The following COMMD1 variants were observed in gnomAD, a reference collection of about 807,000 sequenced individuals.
The protein encoded by COMMD1 is COMM domain-containing protein 1.
COMMD1 carries 10 observed loss-of-function variants against 17.2 expected under a neutral mutation model. The observed-to-expected ratio is 0.58, with a 90% confidence interval of 0.36 to 0.99. The LOEUF (loss-of-function observed/expected upper bound fraction) is 0.99, where lower values mean the gene tolerates loss of function less well. Ranked by LOEUF, COMMD1 falls within the 50% of genes least tolerant of loss-of-function variation. The probability of loss-of-function intolerance (pLI) is 0.01; values close to 1 mark genes in which losing one functional copy is unlikely to be tolerated. For synonymous variants in COMMD1, 97 were observed against 91.6 expected, an observed-to-expected ratio of 1.06 and a Z score of -0.34; for missense variants, 270 against 231.8, an observed-to-expected ratio of 1.17 and a Z score of -1.07.
chr2:61,922,401 T>C (rs1670222510), intron 1 of COMMD1, among the ~76,000 whole-genome samples: 2 of 152,198 alleles, frequency 1.3e-5, no homozygotes, highest in Non-Finnish European at 2.9e-5. Context: ...CACTGCAACC[T>C]CTGCCTTCTG....
chr2:62,084,404 C>T (rs1424445921), intron 2 of COMMD1, among the ~76,000 whole-genome samples: 1 of 152,030 alleles, frequency 6.6e-6, no homozygotes, highest in African/African-American at 2.4e-5. Flanking sequence ...TTAAGAAGAT[C>T]ATAAGGAAGA....
chr2:61,921,629 G>C (rs1670199494), intron 1 of COMMD1, among the ~76,000 whole-genome samples: 1 of 152,108 alleles, frequency 6.6e-6, no homozygotes, highest in South Asian at 2.1e-4. Flanking sequence ...ATTTTTAGTA[G>C]AGACGGGGTT....
At chr2:62,080,568 A>G (rs140586635) in intron 2 of COMMD1, among the ~76,000 whole-genome samples, 29 of 152,312 alleles carry the variant, frequency 1.9e-4, no homozygotes, top group Non-Finnish European at 3.5e-4. Flanking sequence ...TTAAACAGTC[A>G]CTAAATGGGA....
intron 1 of COMMD1, among the ~76,000 whole-genome samples, chr2:61,891,676 C>T (rs189337626): frequency 7.9e-5 from 12 of 151,618 alleles, no homozygotes; most frequent in East Asian, 2.0e-4. Context: ...TGTAGTGAGC[C>T]GAGATCATGC....
At chr2:62,108,204 T>G (rs938560673) in intron 2 of COMMD1, among the ~76,000 whole-genome samples, 1 of 152,182 alleles carries the variant, frequency 6.6e-6, no homozygotes, top group Non-Finnish European at 1.5e-5. Flanking sequence ...TTTAGGCAAA[T>G]ACTTTTTAAA....
Position 61,893,536 on chromosome 2 carries a change from G to A in COMMD1, n.119+4694G>A, listed in dbSNP as rs371416234. On this transcript the variant is annotated intron_variant and non_coding_transcript_variant, in intron 1 of 2. Coordinates refer to the COMMD1 transcript ENST00000472729. ...GTAGTACTAACAAGAGTTACAGGCC[G>A]GGCGCCTTGGCTCACGCCTGTAATC... Among the ~76,000 whole-genome samples the A allele has an allele frequency of 1.1e-4, 16 of 149,712 alleles. No homozygotes were observed. The East Asian group carries it at 1.3e-3, about 13-fold the overall frequency.
chr2:61,900,850 G>C (rs1669641331), upstream of COMMD1, among the ~76,000 whole-genome samples: 1 of 152,042 alleles, frequency 6.6e-6, no homozygotes, highest in Non-Finnish European at 1.5e-5. Flanking sequence ...AAGTGTCTGA[G>C]GCTTTTATCA....
intron 2 of COMMD1, among the ~76,000 whole-genome samples, chr2:62,017,728 A>T (rs1669492884): frequency 6.6e-6 from 1 of 151,712 alleles, no homozygotes; most frequent in Admixed American, 6.6e-5. Context: ...GGCTCTGTTC[A>T]TGTAATTCTT....
At chr2:62,094,946 G>T (rs1671959051) in intron 2 of COMMD1, among the ~76,000 whole-genome samples, 1 of 152,116 alleles carries the variant, frequency 6.6e-6, no homozygotes, top group African/African-American at 2.4e-5. Context: ...GGGAGTTTAG[G>T]TTCAGCTCAT....
At chr2:62,043,010 A>G (rs1050644618) in intron 2 of COMMD1, among the ~76,000 whole-genome samples, 2 of 152,224 alleles carry the variant, frequency 1.3e-5, no homozygotes, top group African/African-American at 4.8e-5. Context: ...TCTAGTATCC[A>G]CTAACTTTGG....
intron 1 of COMMD1, among the ~76,000 whole-genome samples, chr2:61,967,424 G>C (rs1183118673): frequency 1.3e-5 from 2 of 152,122 alleles, no homozygotes; most frequent in African/African-American, 4.8e-5. Context: ...TTGTGGTCTG[G>C]CACTGATATG....
intron 1 of COMMD1, among the ~76,000 whole-genome samples, chr2:61,949,228 G>A (rs180903449): frequency 4.6e-5 from 7 of 152,302 alleles, no homozygotes; most frequent in Admixed American, 3.3e-4. Context: ...AGTCAGCAGG[G>A]TTTTGACAAG....
chr2:62,007,085 A>G (rs1669142549), intron 2 of COMMD1, among the ~76,000 whole-genome samples: 1 of 152,202 alleles, frequency 6.6e-6, no homozygotes. Context: ...CCCTGCATGT[A>G]GAGATCCCAA....
At position 61,929,038 on chromosome 2, in the gene COMMD1, C is replaced by T. The variant is rs575337729; in HGVS notation, c.180+23180C>T. On this transcript the variant is annotated intron_variant, in intron 1 of 2. Coordinates refer to ENST00000311832, the MANE Select transcript of COMMD1 (RefSeq NM_152516.4). ...GAGATTTACATAAGCTGCTTAGGAGCGGAGTTCATTGGTTCCAGAGGTTCA... is the reference window on the plus strand; with the variant it reads ...GAGATTTACATAAGCTGCTTAGGAGTGGAGTTCATTGGTTCCAGAGGTTCA... Among the ~76,000 whole-genome samples the T allele has an allele frequency of 7.9e-4, 120 of 152,246 alleles. 1 individual carries two copies. Among genetic ancestry groups the T allele is most frequent in the African/African-American group, 2.5e-3 (104 of 41,540 alleles).
intron 2 of COMMD1, among the ~76,000 whole-genome samples, chr2:62,037,968 A>G (rs1293447795): frequency 6.6e-6 from 1 of 152,116 alleles, no homozygotes; most frequent in African/African-American, 2.4e-5. Context: ...TGCCTCACAG[A>G]GTTGTCCTTG....
At chr2:62,051,113 T>G (rs1394798908) in intron 2 of COMMD1, among the ~76,000 whole-genome samples, 3 of 152,176 alleles carry the variant, frequency 2.0e-5, no homozygotes, top group African/African-American at 7.2e-5. Flanking sequence ...AATTACCCTT[T>G]GCTCTATGCT....
At chr2:62,017,192 A>C (rs562656747) in intron 2 of COMMD1, among the ~76,000 whole-genome samples, 64 of 152,342 alleles carry the variant, frequency 4.2e-4, no homozygotes, top group African/African-American at 1.5e-3. Context: ...AATATATCTG[A>C]ATTTTAATGA....
At chr2:62,067,225 C>CAA (rs528706499) in intron 2 of COMMD1, among the ~76,000 whole-genome samples, 16 of 113,582 alleles carry the variant, frequency 1.4e-4, no homozygotes, top group African/African-American at 4.6e-4. Context: ...AACTCCATCT[C>CAA]AAAAAAAAAA....
intron 1 of COMMD1, among the ~76,000 whole-genome samples, chr2:61,998,218 C>T (rs1219269859): frequency 6.6e-6 from 1 of 151,282 alleles, no homozygotes; most frequent in Non-Finnish European, 1.5e-5. Flanking sequence ...AAACCTTCTC[C>T]ATATCAGCAA....
Sources: gnomAD v4.1 joint callset for allele counts (sites outside exome capture counted in the v4.1 genomes callset) on GRCh38, gnomAD v4.1.1 for gene constraint, MANE v1.5 for transcripts, NCBI Gene and HGNC (gene_info 2026-07-23, HGNC 2026-07-21) for gene names.